The following GRID2 variants were observed in gnomAD, a reference collection of about 807,000 sequenced individuals.
GRID2 encodes glutamate receptor ionotropic, delta-2.
A neutral mutation model predicts 114.8 loss-of-function variants in GRID2; 33 were observed. That is an observed-to-expected ratio of 0.29 (90% CI 0.22 to 0.38). The LOEUF (loss-of-function observed/expected upper bound fraction) is 0.38. Ranked by LOEUF, GRID2 falls within the 10% of genes least tolerant of loss-of-function variation. GRID2 has a pLI of 1.00. For synonymous variants in GRID2, 505 were observed against 449.9 expected (o/e 1.12, Z -1.55); for missense variants, 1,184 against 1,257.7 (o/e 0.94, Z 0.89).
intron 2 of GRID2, among the ~76,000 whole-genome samples, chr4:92,979,476 T>A (rs1441919456): frequency 6.6e-6 from 1 of 152,124 alleles, no homozygotes; most frequent in African/African-American, 2.4e-5. Context: ...TTTTCAGGCC[T>A]ATGAATAAAA....
At chr4:93,170,765 T>C (rs1458102795) in intron 4 of GRID2, among the ~76,000 whole-genome samples, 1 of 152,158 alleles carries the variant, frequency 6.6e-6, no homozygotes, top group Non-Finnish European at 1.5e-5. Context: ...CGACTGCCTA[T>C]TGCGCACATC....
At chr4:92,603,472 G>A (rs1729317406) in intron 2 of GRID2, among the ~76,000 whole-genome samples, 1 of 152,092 alleles carries the variant, frequency 6.6e-6, no homozygotes, top group Admixed American at 6.6e-5. Flanking sequence ...AATAAATGGT[G>A]CTGGGAAAAC....
chr4:92,544,682 A>C (rs1469236087), intron 1 of GRID2, among the ~76,000 whole-genome samples: 1 of 152,134 alleles, frequency 6.6e-6, no homozygotes, highest in Non-Finnish European at 1.5e-5. Context: ...TGACCTGACC[A>C]AGGTCACATA....
At chr4:93,412,763 C>T (rs1186711218) in intron 9 of GRID2, among the ~76,000 whole-genome samples, 1 of 152,020 alleles carries the variant, frequency 6.6e-6, no homozygotes, top group Non-Finnish European at 1.5e-5. Context: ...ACCCCACTAA[C>T]AGGCCCCAGT....
At chr4:92,376,836 C>A (rs922561594) in intron 1 of GRID2, among the ~76,000 whole-genome samples, 1 of 152,080 alleles carries the variant, frequency 6.6e-6, no homozygotes, top group African/African-American at 2.4e-5. Flanking sequence ...CTGAATTAGC[C>A]CCTTTCAGCC....
intron 1 of GRID2, among the ~76,000 whole-genome samples, chr4:92,538,867 C>T (rs552978155): frequency 2.6e-3 from 388 of 151,856 alleles, no homozygotes; most frequent in Middle Eastern, 3.4e-3. Flanking sequence ...ACCATGAAAC[C>T]CCGTCTCTAC....
At chr4:93,113,778 G>T (rs1488297202) in intron 4 of GRID2, among the ~76,000 whole-genome samples, 1 of 152,170 alleles carries the variant, frequency 6.6e-6, no homozygotes, top group Non-Finnish European at 1.5e-5. Flanking sequence ...GTTATAGATG[G>T]TATCTTGAAG....
intron 13 of GRID2, among the ~76,000 whole-genome samples, chr4:93,561,057 G>T (rs1734877911): frequency 6.6e-6 from 1 of 151,858 alleles, no homozygotes; most frequent in South Asian, 2.1e-4. Flanking sequence ...CCTTTTTGGT[G>T]TTTATTTTTT....
chr4:93,166,171 G>A (rs952122991), intron 4 of GRID2: 2 of 152,196 alleles, frequency 1.3e-5, no homozygotes, highest in African/African-American at 4.8e-5. Context: ...CGTGAGTAAA[G>A]ATAAAGTGAA....
intron 2 of GRID2, among the ~76,000 whole-genome samples, chr4:92,922,980 A>G (rs1015553560): frequency 1.3e-5 from 2 of 152,218 alleles, no homozygotes; most frequent in Non-Finnish European, 2.9e-5. Flanking sequence ...TGCTGTTGTA[A>G]TTATTTTGTG....
At chr4:93,323,637 C>T (rs563083286) in intron 8 of GRID2, among the ~76,000 whole-genome samples, 2 of 152,234 alleles carry the variant, frequency 1.3e-5, no homozygotes, top group East Asian at 3.9e-4. Flanking sequence ...TTTCCTTGGG[C>T]ACTATGGCCA....
At chr4:92,455,841 A>C (rs148479656) in intron 1 of GRID2, among the ~76,000 whole-genome samples, 1 of 152,326 alleles carries the variant, frequency 6.6e-6, no homozygotes, top group Non-Finnish European at 1.5e-5. Flanking sequence ...ATGCAATAGT[A>C]AATTGTATGA....
In GRID2 at chr4:93,772,428, T is replaced by G; in HGVS notation, c.2954T>G (p.Ile985Ser). 6.2e-7 allele frequency: 1 copy of G among 1,613,760 alleles called. No individual in the cohort carries two copies. Among genetic ancestry groups the G allele is most frequent in the Non-Finnish European group, 8.5e-7 (1 of 1,179,808 alleles). ...AGTCCTATAAAAACAATGTCATCTA[T>G]TCCTTATCAACCAACTCCTACCCTG... ...FRSPIKTMSS[I>S]PYQPTPTLGL... The change falls in exon 16 of 16, where the codon ATT becomes AGT. Residue 985 changes from isoleucine (I) to serine (S), a missense_variant. Around this residue, in one of 3 missense-constraint regions of GRID2, gnomAD observed 717 missense variants for 796.9 expected, o/e 0.90. Transcript: ENST00000282020.
intron 3 of GRID2, among the ~76,000 whole-genome samples, chr4:93,098,618 G>A (rs1199219164): frequency 6.6e-6 from 1 of 151,830 alleles, no homozygotes; most frequent in Non-Finnish European, 1.5e-5. Context: ...GGAAAAGCTG[G>A]GTAGAACTGA....
intron 2 of GRID2, among the ~76,000 whole-genome samples, chr4:92,868,069 TG>T (rs762641157): frequency 0.12 from 13,781 of 116,988 alleles, 659 homozygotes; most frequent in Admixed American, 0.16. Flanking sequence ...TCTTTCTTTC[TG>T]TCTGTCTGTC....
intron 13 of GRID2, among the ~76,000 whole-genome samples, chr4:93,525,004 A>T (rs1730744666): frequency 6.6e-6 from 1 of 151,886 alleles, no homozygotes; most frequent in African/African-American, 2.4e-5. Context: ...TGAAAGCCAG[A>T]TCTGCTCCAA....
chr4:93,455,039 G>A (rs76798303), intron 10 of GRID2, among the ~76,000 whole-genome samples: 2,702 of 152,156 alleles, frequency 0.018, 65 homozygotes, highest in African/African-American at 0.062. Flanking sequence ...ATTACTCCAA[G>A]AAGAATTCTC....
intron 2 of GRID2, among the ~76,000 whole-genome samples, chr4:92,620,377 T>A (rs1476571422): frequency 6.6e-6 from 1 of 151,702 alleles, no homozygotes; most frequent in Non-Finnish European, 1.5e-5. Context: ...CTCAGGATAG[T>A]TATTATCAGA....
intron 4 of GRID2, among the ~76,000 whole-genome samples, chr4:93,116,249 C>G (rs1252527144): frequency 6.6e-6 from 1 of 152,086 alleles, no homozygotes; most frequent in Non-Finnish European, 1.5e-5. Flanking sequence ...ACTCTTCTAC[C>G]TCTCAGCTTC....
Sources: gnomAD v4.1 joint callset for allele counts (sites outside exome capture counted in the v4.1 genomes callset) on GRCh38, gnomAD v4.1.1 for gene constraint, gnomAD v4.1.1 regional missense constraint, MANE v1.5 for transcripts, NCBI Gene and HGNC (gene_info 2026-07-23, HGNC 2026-07-21) for gene names.